ARHGEF3: variants seen among roughly 807,000 people sequenced by gnomAD.
ARHGEF3 encodes 59.8 kDA protein.
Under a neutral mutation model 63.2 loss-of-function variants are expected in ARHGEF3, and 28 were observed. That is an observed-to-expected ratio of 0.44 (90% CI 0.33 to 0.61). The LOEUF (loss-of-function observed/expected upper bound fraction) is 0.61. Among genes scored for constraint, ARHGEF3 ranks in the 20% least tolerant of loss-of-function variants. ARHGEF3 has a pLI of 0.03. For missense variants in ARHGEF3, 533 were observed against 659.3 expected, an observed-to-expected ratio of 0.81 and a Z score of 2.10; for synonymous variants, 266 against 254.2, an observed-to-expected ratio of 1.05 and a Z score of -0.44.
chr3:57,043,178 C>T (rs35002487), intron 1 of ARHGEF3, among the ~76,000 whole-genome samples: 11,578 of 151,286 alleles, frequency 0.077, 596 homozygotes, highest in Non-Finnish European at 0.098. Flanking sequence ...TGCAGTGGCG[C>T]GATCTCAGCT....
chr3:57,079,176 G>C (rs1706349817), intron 1 of ARHGEF3: 1 of 394,722 alleles, frequency 2.5e-6, no homozygotes, highest in African/African-American at 2.1e-5. Context: ...GTGTCTAGCC[G>C]GGGAGGGTCT....
At chr3:57,045,121 G>C (rs1016360421) in intron 1 of ARHGEF3, among the ~76,000 whole-genome samples, 2 of 152,122 alleles carry the variant, frequency 1.3e-5, no homozygotes, top group Admixed American at 6.5e-5. Context: ...ACAAAAATTA[G>C]CTGGGCGTGG....
At chr3:56,755,416 G>A (rs2035012302) in intron 2 of ARHGEF3, among the ~76,000 whole-genome samples, 1 of 152,158 alleles carries the variant, frequency 6.6e-6, no homozygotes, top group Admixed American at 6.5e-5. Context: ...CACATATCAG[G>A]CCAAACTCAC....
At chr3:56,824,686 C>G (rs2108050666) in intron 4 of ARHGEF3, among the ~76,000 whole-genome samples, 1 of 152,324 alleles carries the variant, frequency 6.6e-6, no homozygotes, top group African/African-American at 2.4e-5. Context: ...TGATGACCAG[C>G]TTGGTCAGCT....
upstream of ARHGEF3, among the ~76,000 whole-genome samples, chr3:56,806,922 T>C (rs1466582320): frequency 6.6e-6 from 1 of 152,096 alleles, no homozygotes. Flanking sequence ...TCTTGCTCTG[T>C]TGCCTAGGAT....
In ARHGEF3 at chr3:57,014,207, C is replaced by G. The variant is rs148108912; in HGVS notation, c.62+20881G>C. ...ACGAACCCACCAGAAGGAAAAAACTCCAAACACGTCTGAATATCCGAAGGA... is the reference window on the plus strand; with the variant it reads ...ACGAACCCACCAGAAGGAAAAAACTGCAAACACGTCTGAATATCCGAAGGA... On this transcript the variant is annotated intron_variant, in intron 2 of 12. Transcript: ENST00000338458. 4.9e-3 allele frequency among the ~76,000 whole-genome samples: 744 copies of G among 152,270 alleles called. 6 individuals carry two copies. The highest frequency in any genetic ancestry group is 8.1e-3 in the South Asian group (39 of 4,814).
intron 1 of ARHGEF3, among the ~76,000 whole-genome samples, chr3:56,774,516 T>C (rs1420651272): frequency 1.3e-5 from 2 of 152,172 alleles, no homozygotes; most frequent in African/African-American, 2.4e-5. Context: ...AAAACATTAG[T>C]TGCAAATCTG....
In ARHGEF3 at chr3:56,769,929, A is replaced by G. The variant is rs191309772; in HGVS notation, c.204+3780T>C. 3.3e-5 allele frequency among the ~76,000 whole-genome samples: 5 copies of G among 152,304 alleles called. No homozygotes were observed. In the East Asian group the frequency reaches 9.6e-4, roughly 29 times the overall value. ...TTGGAATAGAAAAGGCATAAATAAT[A>G]CACACATATGGGTAATGGATGGCTG... On this transcript the variant is annotated intron_variant, in intron 2 of 9. Coordinates refer to ENST00000296315, the MANE Select transcript of ARHGEF3 (RefSeq NM_019555.3).
intron 2 of ARHGEF3, among the ~76,000 whole-genome samples, chr3:56,996,579 C>T (rs972322659): frequency 6.6e-6 from 1 of 152,220 alleles, no homozygotes; most frequent in African/African-American, 2.4e-5. Flanking sequence ...TGGGCCCTCA[C>T]AAGATGCTGA....
chr3:57,063,023 A>G (rs1199088403), intron 1 of ARHGEF3, among the ~76,000 whole-genome samples: 1 of 152,214 alleles, frequency 6.6e-6, no homozygotes, highest in African/African-American at 2.4e-5. Flanking sequence ...AGAAAAAGCA[A>G]TGAAGGCAAA....
chr3:57,006,486 A>C (rs1227087134), intron 2 of ARHGEF3, among the ~76,000 whole-genome samples: 1 of 152,150 alleles, frequency 6.6e-6, no homozygotes, highest in African/African-American at 2.4e-5. Context: ...GCTTCTTCCA[A>C]GCCGTTAGGA....
chr3:56,901,860 G>A (rs952236300), intron 3 of ARHGEF3, among the ~76,000 whole-genome samples: 1 of 151,962 alleles, frequency 6.6e-6, no homozygotes, highest in African/African-American at 2.4e-5. Flanking sequence ...TCTGCTTAAC[G>A]ACACCTTATT....
At chr3:56,809,192 G>A (rs2037975081) in intron 4 of ARHGEF3, among the ~76,000 whole-genome samples, 2 of 152,114 alleles carry the variant, frequency 1.3e-5, no homozygotes, top group Admixed American at 1.3e-4. Flanking sequence ...TAAAACACAA[G>A]ACAGACAAAA....
In ARHGEF3 at chr3:56,899,949, C is replaced by T. The variant is rs529296384; in HGVS notation, c.130-17595G>A. ...ACTTTAGCCACAGGAAATGGGAGTG[C>T]TTGGGCGACCCAAAAGCGTTCGCCA... On this transcript the variant is annotated intron_variant, in intron 3 of 12. Coordinates refer to the ARHGEF3 transcript ENST00000338458. 4.1e-4 allele frequency among the ~76,000 whole-genome samples: 63 copies of T among 152,322 alleles called. No individual in the cohort carries two copies. In the South Asian group the frequency reaches 0.013, roughly 31 times the overall value.
intron 3 of ARHGEF3, among the ~76,000 whole-genome samples, chr3:56,887,078 G>A (rs2040948920): frequency 6.6e-6 from 1 of 151,954 alleles, no homozygotes; most frequent in Non-Finnish European, 1.5e-5. Flanking sequence ...TCAATTTTGT[G>A]GTCCTTTCTA....
At chr3:56,803,661 G>C (rs2037759129), upstream of ARHGEF3, among the ~76,000 whole-genome samples, 1 of 151,964 alleles carries the variant, frequency 6.6e-6, no homozygotes, top group South Asian at 2.1e-4. Context: ...AAATTAGCCA[G>C]GTATGGTAGT....
At chr3:57,014,446 G>T (rs1014196574) in intron 2 of ARHGEF3, among the ~76,000 whole-genome samples, 1 of 152,026 alleles carries the variant, frequency 6.6e-6, no homozygotes, top group African/African-American at 2.4e-5. Context: ...AAGAAAGCAG[G>T]AAATCGAGCC....
At position 56,810,113 on chromosome 3, in the gene ARHGEF3, GA is replaced by G. The variant is rs1308921411; in HGVS notation, c.193-36298del. On this transcript the variant is annotated intron_variant, in intron 4 of 12. Transcript: ENST00000338458. ...TTTCGTATAGTAACCATTATTCAGAGAAATTAGAACCTAAAATGTATACATT... is the reference window on the plus strand; with the variant it reads ...TTTCGTATAGTAACCATTATTCAGAGAATTAGAACCTAAAATGTATACATT... 2.6e-5 allele frequency among the ~76,000 whole-genome samples: 4 copies of G among 152,246 alleles called. No individual in the cohort carries two copies. In the East Asian group the frequency reaches 7.7e-4, roughly 29 times the overall value.
intron 3 of ARHGEF3, among the ~76,000 whole-genome samples, chr3:56,957,916 G>A (rs1306160196): frequency 6.6e-6 from 1 of 152,158 alleles, no homozygotes; most frequent in African/African-American, 2.4e-5. Flanking sequence ...TCCATACACT[G>A]TGGCTATTAT....
Sources: gnomAD v4.1 joint callset for allele counts (sites outside exome capture counted in the v4.1 genomes callset) on GRCh38, gnomAD v4.1.1 for gene constraint, MANE v1.5 for transcripts, NCBI Gene and HGNC (gene_info 2026-07-23, HGNC 2026-07-21) for gene names.